Variants in XYLT1 observed in about 807,000 individuals in gnomAD.
The protein encoded by XYLT1 is xylosyltransferase 1.
XYLT1 carries 36 observed loss-of-function variants against 91.3 expected under a neutral mutation model. That is an observed-to-expected ratio of 0.39 (90% CI 0.30 to 0.52). XYLT1 has a LOEUF of 0.52. Ranked by LOEUF, XYLT1 falls within the 20% of genes least tolerant of loss-of-function variation. The pLI, the probability that XYLT1 is intolerant of heterozygous loss-of-function variation, is 0.68. For missense variants in XYLT1, 1,242 were observed against 1,284.5 expected (o/e 0.97, Z 0.51); for synonymous variants, 588 against 532.0 (o/e 1.11, Z -1.45).
intron 7 of XYLT1, 96 bp from the exon 8 acceptor site, chr16:17,138,627 A>C (rs1472853506): frequency 1.4e-6 from 2 of 1,431,186 alleles, no homozygotes; most frequent in Non-Finnish European, 1.9e-6. Context: ...GAGTTCATGT[A>C]AGAACTGGTT....
intron 2 of XYLT1, among the ~76,000 whole-genome samples, chr16:17,353,279 A>C (rs547552973): frequency 6.6e-6 from 1 of 152,066 alleles, no homozygotes; most frequent in African/African-American, 2.4e-5. Flanking sequence ...CTCCTTTATT[A>C]TATCTCCCAA....
intron 3 of XYLT1, among the ~76,000 whole-genome samples, chr16:17,255,473 G>A (rs2033616973): frequency 6.6e-6 from 1 of 152,116 alleles, no homozygotes; most frequent in Admixed American, 6.5e-5. Context: ...TGCTGTCTCT[G>A]ATATACAGAA....
intron 1 of XYLT1, among the ~76,000 whole-genome samples, chr16:17,425,025 A>T (rs568004645): frequency 5.5e-4 from 84 of 152,222 alleles, no homozygotes; most frequent in Non-Finnish European, 9.0e-4. Context: ...TCCACCCTTG[A>T]ACTTGGCTCC....
intron 2 of XYLT1, among the ~76,000 whole-genome samples, chr16:17,297,483 A>C (rs1260739969): frequency 6.6e-6 from 1 of 152,110 alleles, no homozygotes; most frequent in Non-Finnish European, 1.5e-5. Flanking sequence ...TAGGAAGCCA[A>C]GGCAAGATCA....
intron 5 of XYLT1, among the ~76,000 whole-genome samples, chr16:17,196,076 G>A (rs1490113811): frequency 1.3e-5 from 2 of 152,176 alleles, no homozygotes; most frequent in Non-Finnish European, 2.9e-5. Flanking sequence ...AGGATGTCAG[G>A]TGTACCCCAT....
chr16:17,448,344 G>A (rs543648495), intron 1 of XYLT1, among the ~76,000 whole-genome samples: 33 of 152,174 alleles, frequency 2.2e-4, no homozygotes, highest in African/African-American at 7.0e-4. Context: ...CAGCCTGGGC[G>A]CAGACAGAGC....
chr16:17,389,941 C>A (rs936389854), intron 1 of XYLT1, among the ~76,000 whole-genome samples: 1 of 152,160 alleles, frequency 6.6e-6, no homozygotes, highest in Admixed American at 6.6e-5. Flanking sequence ...GGAAGGGAAT[C>A]GTGTCAGGTG....
At chr16:17,283,498 C>T (rs1224710335) in intron 2 of XYLT1, among the ~76,000 whole-genome samples, 1 of 152,204 alleles carries the variant, frequency 6.6e-6, no homozygotes, top group Non-Finnish European at 1.5e-5. Flanking sequence ...ACACACTCCT[C>T]GCCTGCCATG....
intron 2 of XYLT1, among the ~76,000 whole-genome samples, chr16:17,336,304 C>T (rs1300873647): frequency 6.6e-6 from 1 of 152,204 alleles, no homozygotes; most frequent in African/African-American, 2.4e-5. Context: ...GATCCAAGCC[C>T]CCACGGCGGT....
chr16:17,435,989 C>T (rs567447931), intron 1 of XYLT1, among the ~76,000 whole-genome samples: 8 of 152,274 alleles, frequency 5.3e-5, no homozygotes, highest in Non-Finnish European at 7.4e-5. Flanking sequence ...ATGCCAAGGG[C>T]GGGGCCAGGT....
At chr16:17,132,698 TTCGAGACCAGCCTGGCCAACCTGG>T (rs1009886803) in intron 9 of XYLT1, among the ~76,000 whole-genome samples, 1 of 151,926 alleles carries the variant, frequency 6.6e-6, no homozygotes, top group Admixed American at 6.6e-5. Flanking sequence ...AGGTCAGGAG[TTCGAGACCAGCCTGGCCAACCTGG>T]TGAAATCCTG....
At chr16:17,385,424 CT>C (rs2035737156) in intron 1 of XYLT1, among the ~76,000 whole-genome samples, 1 of 151,774 alleles carries the variant, frequency 6.6e-6, no homozygotes, top group Admixed American at 6.6e-5. Flanking sequence ...AGAAAGTAGC[CT>C]TGTCTGATTT....
In XYLT1 at chr16:17,395,505, A is replaced by C. The variant is rs536326569; in HGVS notation, c.364-37455T>G. 2.7e-4 allele frequency among the ~76,000 whole-genome samples: 41 copies of C among 152,278 alleles called. No individual in the cohort carries two copies. In the South Asian group the frequency reaches 8.1e-3, roughly 30 times the overall value. The stretch of plus-strand genomic sequence containing the variant: ...AGCCTGGGCAGCACAGCGAAACCTT[A>C]TCTCTAAAAAAATAAAAATAATCAC... On this transcript the variant is annotated intron_variant, in intron 1 of 11. Coordinates refer to ENST00000261381, the MANE Select transcript of XYLT1 (RefSeq NM_022166.4).
chr16:17,426,928 G>C (rs1376009652), intron 1 of XYLT1, among the ~76,000 whole-genome samples: 4 of 152,188 alleles, frequency 2.6e-5, no homozygotes, highest in Non-Finnish European at 2.9e-5. Flanking sequence ...CAAAAATATA[G>C]GGTAAAGCAT....
intron 6 of XYLT1, among the ~76,000 whole-genome samples, chr16:17,156,858 G>A (rs555983477): frequency 3.9e-5 from 6 of 152,174 alleles, no homozygotes; most frequent in Non-Finnish European, 7.3e-5. Context: ...TAGGCTGTGA[G>A]TAGGGGCAGG....
At chr16:17,195,952 G>A (rs1452683461) in intron 5 of XYLT1, among the ~76,000 whole-genome samples, 2 of 152,186 alleles carry the variant, frequency 1.3e-5, no homozygotes, top group Non-Finnish European at 2.9e-5. Flanking sequence ...GAACAAAATT[G>A]TGGTAAGTAA....
intron 5 of XYLT1, among the ~76,000 whole-genome samples, chr16:17,171,311 T>C (rs1401917234): frequency 6.6e-6 from 1 of 152,220 alleles, no homozygotes. Context: ...GAGATTGAGC[T>C]TGAAGGACAG....
chr16:17,134,630 T>G lies in XYLT1; in HGVS notation c.1870A>C (p.Thr624Pro). 6.2e-7 allele frequency: 1 copy of G among 1,614,132 alleles called. No individual in the cohort carries two copies. Among genetic ancestry groups the G allele is most frequent in the Non-Finnish European group, 8.5e-7 (1 of 1,180,030 alleles). The change falls in exon 9 of 12, where the codon ACC (threonine) becomes CCC (proline). Residue 624 changes from threonine to proline, a missense_variant. Around this residue, in one of 3 missense-constraint regions of XYLT1, gnomAD observed 511 missense variants for 497.0 expected, o/e 1.03. Coordinates refer to ENST00000261381, the MANE Select transcript of XYLT1 (RefSeq NM_022166.4). ...TCCCAGTAGGAGCGCAGGCCCGGGG[T>G]ACCTGCAGGGTAGTTCCCGTACAGG... ...YYLYGNYPAG[T>P]PGLRSYWENV...
chr16:17,221,035 A>G (rs1248567621), intron 3 of XYLT1, among the ~76,000 whole-genome samples: 2 of 151,818 alleles, frequency 1.3e-5, no homozygotes, highest in Non-Finnish European at 2.9e-5. Context: ...TGATCCAGAC[A>G]CTCCTTGGCC....
Sources: allele counts gnomAD v4.1 joint callset (sites outside exome capture counted in the v4.1 genomes callset), GRCh38; gene constraint gnomAD v4.1.1; regional missense constraint gnomAD v4.1.1; transcripts MANE v1.5; gene names NCBI Gene and HGNC (gene_info 2026-07-23, HGNC 2026-07-21).